Variants in RABGAP1L observed in about 807,000 individuals in gnomAD.
RABGAP1L encodes rab GTPase-activating protein 1-like.
In RABGAP1L, 63 loss-of-function variants were observed where a neutral mutation model predicts 137.7. The observed-to-expected ratio is 0.46, with a 90% confidence interval of 0.37 to 0.56. RABGAP1L has a LOEUF of 0.56. Ranked by LOEUF, RABGAP1L falls within the 20% of genes least tolerant of loss-of-function variation. The pLI, the probability that RABGAP1L is intolerant of heterozygous loss-of-function variation, is 0.00. For synonymous variants in RABGAP1L, 431 were observed against 433.7 expected, an observed-to-expected ratio of 0.99 and a Z score of 0.08; for missense variants, 1,095 against 1,244.0, an observed-to-expected ratio of 0.88 and a Z score of 1.80.
In RABGAP1L at chr1:174,612,148, A is replaced by G. The variant is rs1244136562; in HGVS notation, c.1711-25227A>G. Among the ~76,000 whole-genome samples, 16 of 152,194 alleles carry G rather than the reference A, an allele frequency of 1.1e-4. No homozygotes were observed. The East Asian group carries it at 2.9e-3, about 27-fold the overall frequency. On this transcript the variant is annotated intron_variant, in intron 13 of 25. Coordinates refer to ENST00000681986, the MANE Select transcript of RABGAP1L (RefSeq NM_001366446.1). ...TGTCTTGCACCTGTTTTCAAAGGGA[A>G]TGCTTCCAGTTTTTGCCCATTCAGT...
chr1:174,383,436 A>T (rs1262101967), intron 12 of RABGAP1L, among the ~76,000 whole-genome samples: 1 of 151,888 alleles, frequency 6.6e-6, no homozygotes, highest in Non-Finnish European at 1.5e-5. Context: ...GCTAGCAATC[A>T]GCGAGATTCC....
chr1:174,870,410 G>C (rs1453272548), intron 19 of RABGAP1L, among the ~76,000 whole-genome samples: 3 of 152,022 alleles, frequency 2.0e-5, no homozygotes, highest in Non-Finnish European at 2.9e-5. Flanking sequence ...TTTTTTTATA[G>C]TCTGTAACCT....
At chr1:174,336,810 T>C (rs557632873) in intron 11 of RABGAP1L, among the ~76,000 whole-genome samples, 68 of 152,086 alleles carry the variant, frequency 4.5e-4, no homozygotes, top group Middle Eastern at 6.8e-3. Flanking sequence ...AATCTTGGCA[T>C]GATAGATGCT....
At chr1:174,438,231 CTTTGTTT>C (rs1254876251) in intron 13 of RABGAP1L, among the ~76,000 whole-genome samples, 2 of 152,132 alleles carry the variant, frequency 1.3e-5, no homozygotes, top group African/African-American at 4.8e-5. Context: ...AGTCTTTCAA[CTTTGTTT>C]TTTGTTTTTT....
intron 13 of RABGAP1L, among the ~76,000 whole-genome samples, chr1:174,629,944 G>A (rs983433715): frequency 2.6e-5 from 4 of 152,138 alleles, no homozygotes; most frequent in African/African-American, 9.7e-5. Context: ...AATAGGAGCG[G>A]TGAGAGAGGG....
intron 19 of RABGAP1L, among the ~76,000 whole-genome samples, chr1:174,927,523 C>T (rs1303583984): frequency 1.3e-5 from 2 of 152,112 alleles, no homozygotes; most frequent in Non-Finnish European, 2.9e-5. Flanking sequence ...AGACAACACA[C>T]CAAGCCATAT....
intron 25 of RABGAP1L, 138 bp from the exon 26 acceptor site, chr1:174,989,711 A>G: frequency 3.5e-6 from 3 of 869,004 alleles, no homozygotes; most frequent in Non-Finnish European, 1.7e-6. Flanking sequence ...TAAGAAGCCA[A>G]TTCAATCTCT....
At chr1:174,165,485 T>A (rs568004572) in intron 1 of RABGAP1L, among the ~76,000 whole-genome samples, 2 of 150,410 alleles carry the variant, frequency 1.3e-5, no homozygotes, top group East Asian at 4.0e-4. Flanking sequence ...AGAGGTGACA[T>A]TTGAACTACT....
At chr1:174,399,892 G>A (rs1376519635) in intron 13 of RABGAP1L, among the ~76,000 whole-genome samples, 5 of 152,086 alleles carry the variant, frequency 3.3e-5, no homozygotes, top group Non-Finnish European at 1.5e-5. Context: ...CGACACATGA[G>A]GATTATGGGA....
chr1:174,194,235 CTTTTTT>C (rs59046200), intron 1 of RABGAP1L, among the ~76,000 whole-genome samples: 1,697 of 137,022 alleles, frequency 0.012, 27 homozygotes, highest in African/African-American at 0.044. Flanking sequence ...TCAGTTAATT[CTTTTTT>C]TTTTTTTTTT....
chr1:174,315,651 G>A (rs1204701321), intron 11 of RABGAP1L, among the ~76,000 whole-genome samples: 1 of 132,864 alleles, frequency 7.5e-6, no homozygotes, highest in Non-Finnish European at 1.6e-5. Flanking sequence ...ACATGGTTTT[G>A]CCATGTTGCC....
chr1:174,261,377 G>A (rs557073309), intron 7 of RABGAP1L, among the ~76,000 whole-genome samples: 16 of 152,296 alleles, frequency 1.1e-4, no homozygotes, highest in Non-Finnish European at 1.5e-4. Context: ...GGAGAGTTCA[G>A]TGATGTGCCT....
intron 1 of RABGAP1L, among the ~76,000 whole-genome samples, chr1:174,186,774 C>T (rs2148318891): frequency 6.6e-6 from 1 of 152,296 alleles, no homozygotes; most frequent in East Asian, 1.9e-4. Flanking sequence ...AACATACATA[C>T]ACTTTAAACA....
intron 13 of RABGAP1L, among the ~76,000 whole-genome samples, chr1:174,529,038 C>T (rs1664166248): frequency 2.0e-5 from 3 of 147,006 alleles, no homozygotes. Flanking sequence ...ATTTCTCATT[C>T]ATGTCCTGAA....
chr1:174,710,660 A>ATG, intron 17 of RABGAP1L, among the ~76,000 whole-genome samples: 1 of 152,362 alleles, frequency 6.6e-6, no homozygotes, highest in South Asian at 2.1e-4. Context: ...CTGCCTTACA[A>ATG]GAGCTCTTGA....
At chr1:174,173,649 G>T (rs148882047) in intron 1 of RABGAP1L, among the ~76,000 whole-genome samples, 14 of 149,238 alleles carry the variant, frequency 9.4e-5, no homozygotes, top group Non-Finnish European at 1.8e-4. Flanking sequence ...ATTCTCTGTC[G>T]TTTTTTTTTC....
intron 19 of RABGAP1L, among the ~76,000 whole-genome samples, chr1:174,933,908 C>T (rs371472833): frequency 2.6e-5 from 4 of 152,168 alleles, no homozygotes; most frequent in African/African-American, 7.2e-5. Flanking sequence ...ACCCACCATC[C>T]GTGGAAAACC....
intron 13 of RABGAP1L, among the ~76,000 whole-genome samples, chr1:174,611,115 C>T (rs986503184): frequency 9.4e-5 from 14 of 148,836 alleles, no homozygotes; most frequent in African/African-American, 2.8e-4. Context: ...GTGTTTTAGA[C>T]ATGAAGTCCT....
Position 174,991,239 on chromosome 1 carries a change from A to G in RABGAP1L, c.*1238A>G, listed in dbSNP as rs1672033133. 1 of 152,230 alleles carries G rather than the reference A, an allele frequency of 6.6e-6. No individual in the cohort carries two copies. Among genetic ancestry groups the G allele is most frequent in the Non-Finnish European group, 1.5e-5 (1 of 68,028 alleles). The allele number at this position is 152,230 out of a possible 1,614,324, so 9.4% of individuals were successfully genotyped here. A position where few individuals can be genotyped will look rare whatever the true frequency, so the allele number is the denominator to read the frequency against. On this transcript the variant is annotated 3_prime_UTR_variant, in exon 26 of 26. Transcript: ENST00000681986. Reference sequence around the variant, plus strand: ...AATAGTCCTTGCAGGAAATTATTTGATAAGAGCAAAACTATTTTTATTTTA... The same window carrying G: ...AATAGTCCTTGCAGGAAATTATTTGGTAAGAGCAAAACTATTTTTATTTTA...
Sources: allele counts gnomAD v4.1 joint callset (sites outside exome capture counted in the v4.1 genomes callset), GRCh38; gene constraint gnomAD v4.1.1; transcripts MANE v1.5; gene names NCBI Gene and HGNC (gene_info 2026-07-23, HGNC 2026-07-21).